Variants in VAMP7 observed in about 807,000 individuals in gnomAD.
The protein encoded by VAMP7 is vesicle associated membrane protein 7, also known as vesicle-associated membrane protein 7.
Under a neutral mutation model 29.6 loss-of-function variants are expected in VAMP7, and 14 were observed. The observed-to-expected ratio is 0.47, with a 90% CI of 0.31 to 0.74. VAMP7 has a LOEUF of 0.74. Among genes scored for constraint, VAMP7 ranks in the 30% least tolerant of loss-of-function variants. The pLI is 0.05. For synonymous variants in VAMP7, 95 were observed against 88.1 expected (o/e 1.08, Z -0.44); for missense variants, 223 against 262.4 (o/e 0.85, Z 1.04).
chrX:155,883,056 G>A (rs1002714630), intron 1 of VAMP7, among the ~76,000 whole-genome samples: 1 of 152,138 alleles, frequency 6.6e-6, no homozygotes, highest in African/African-American at 2.4e-5. Flanking sequence ...ATTTATATCT[G>A]TCTTCCCCAT....
intron 6 of VAMP7, among the ~76,000 whole-genome samples, chrX:155,923,907 C>CCTGT (rs1280488360): frequency 6.6e-6 from 1 of 152,058 alleles, no homozygotes; most frequent in Non-Finnish European, 1.5e-5. Context: ...CTGTTTCTGT[C>CCTGT]CTGTGTATGT....
intron 5 of VAMP7, among the ~76,000 whole-genome samples, chrX:155,912,007 A>G (rs750712154): frequency 1.3e-5 from 2 of 152,230 alleles, no homozygotes; most frequent in African/African-American, 4.8e-5. Flanking sequence ...GAATAGGAGT[A>G]GTGAAACTGG....
intron 6 of VAMP7, among the ~76,000 whole-genome samples, chrX:155,933,763 G>A (rs1449426520): frequency 1.3e-5 from 2 of 152,036 alleles, no homozygotes; most frequent in African/African-American, 2.4e-5. Context: ...GTTTGCTCTT[G>A]TTCCTCTAGT....
At chrX:155,919,299 T>A (rs762614556) in intron 5 of VAMP7, among the ~76,000 whole-genome samples, 1 of 152,286 alleles carries the variant, frequency 6.6e-6, no homozygotes, top group African/African-American at 2.4e-5. Context: ...TGTTCAGGTT[T>A]TCTATTTCTT....
At chrX:155,936,282 G>GCC (rs1165518043) in intron 6 of VAMP7, among the ~76,000 whole-genome samples, 2 of 152,168 alleles carry the variant, frequency 1.3e-5, no homozygotes, top group African/African-American at 4.8e-5. Context: ...GTTCAGCTAT[G>GCC]CCCTGCCCCC....
At chrX:155,887,873 G>C (rs1021853285) in intron 1 of VAMP7, among the ~76,000 whole-genome samples, 11 of 151,466 alleles carry the variant, frequency 7.3e-5, no homozygotes, top group African/African-American at 2.7e-4. Flanking sequence ...GGAGGCTGTA[G>C]TGAGCCAAGA....
chrX:155,934,923 T>A (rs1479624513), intron 6 of VAMP7, among the ~76,000 whole-genome samples: 2 of 152,140 alleles, frequency 1.3e-5, no homozygotes, highest in African/African-American at 2.4e-5. Flanking sequence ...CAGCATTTGC[T>A]TGTCTGTAAA....
intron 1 of VAMP7, among the ~76,000 whole-genome samples, chrX:155,885,930 A>C (rs947863645): frequency 6.6e-6 from 1 of 152,184 alleles, no homozygotes. Context: ...AGTTTTTGGT[A>C]CTTTATTACT....
chrX:155,895,564 T>C, intron 2 of VAMP7, 59 bp from the exon 3 acceptor site: 1 of 1,292,408 alleles, frequency 7.7e-7, no homozygotes. Flanking sequence ...AGATAGAAGA[T>C]AGAAGTAAAA....
chrX:155,897,822 T>G (rs1216338926), intron 3 of VAMP7, among the ~76,000 whole-genome samples: 1 of 152,146 alleles, frequency 6.6e-6, no homozygotes. Flanking sequence ...AAAATTCAAT[T>G]CCTGATGTCA....
intron 5 of VAMP7, 36 bp from the exon 6 acceptor site, chrX:155,919,777 A>G: frequency 6.4e-7 from 1 of 1,571,676 alleles, no homozygotes; most frequent in Non-Finnish European, 8.7e-7. Flanking sequence ...TCTACAATGG[A>G]AAACTTGACC....
chrX:155,893,240 G>A (rs1467062013), intron 2 of VAMP7, among the ~76,000 whole-genome samples: 1 of 152,164 alleles, frequency 6.6e-6, no homozygotes, highest in Non-Finnish European at 1.5e-5. Flanking sequence ...TGTTTAAGCT[G>A]TCTATGGTAT....
intron 2 of VAMP7, among the ~76,000 whole-genome samples, chrX:155,893,898 T>G (rs1260987674): frequency 6.6e-6 from 1 of 152,214 alleles, no homozygotes; most frequent in Non-Finnish European, 1.5e-5. Context: ...GTCAACACTA[T>G]CATATGTTTC....
intron 3 of VAMP7, 67 bp from the exon 4 acceptor site, chrX:155,898,045 G>T (rs1186739629): frequency 1.3e-6 from 2 of 1,564,642 alleles, no homozygotes; most frequent in East Asian, 2.3e-5. Flanking sequence ...TTTTATTGTT[G>T]TTCTTAATCA....
chrX:155,905,294 A>C (rs758947781), intron 5 of VAMP7, among the ~76,000 whole-genome samples: 1 of 152,034 alleles, frequency 6.6e-6, no homozygotes, highest in Non-Finnish European at 1.5e-5. Context: ...TTGAGCTATA[A>C]CAGTACTTTA....
chrX:155,916,261 G>C (rs1254855852), intron 5 of VAMP7, among the ~76,000 whole-genome samples: 4 of 152,124 alleles, frequency 2.6e-5, no homozygotes, highest in African/African-American at 7.2e-5. Flanking sequence ...TTGCACATGA[G>C]ATGGGTCTCC....
intron 5 of VAMP7, among the ~76,000 whole-genome samples, chrX:155,918,963 G>A (rs767151446): frequency 1.3e-5 from 2 of 152,236 alleles, no homozygotes; most frequent in East Asian, 3.9e-4. Context: ...TTTTTGATGT[G>A]ATGTTTGATT....
At position 155,934,951 on chromosome X, in the gene VAMP7, C is replaced by A. The variant is rs2066625287; in HGVS notation, c.502-4750C>A. On this transcript the variant is annotated intron_variant, in intron 6 of 7. Coordinates refer to ENST00000286448, the MANE Select transcript of VAMP7 (RefSeq NM_005638.6). Reference sequence around the variant, plus strand: ...TCTGTAAAGGATTTTATTTTTCCTTCACCTATGAAGCTTAGTTTGGCTGGA... The same window carrying A: ...TCTGTAAAGGATTTTATTTTTCCTTAACCTATGAAGCTTAGTTTGGCTGGA... Among the ~76,000 whole-genome samples the A allele has an allele frequency of 2.0e-5, 3 of 152,212 alleles. No individual in the cohort carries two copies. In the South Asian group the frequency reaches 6.2e-4, roughly 32 times the overall value.
chrX:155,925,672 C>A (rs1355912948), intron 6 of VAMP7, among the ~76,000 whole-genome samples: 1 of 152,168 alleles, frequency 6.6e-6, no homozygotes, highest in Non-Finnish European at 1.5e-5. Context: ...GGGAGGGGGC[C>A]TCCAGGTCTT....
Sources: gnomAD v4.1 joint callset for allele counts (sites outside exome capture counted in the v4.1 genomes callset) on GRCh38, gnomAD v4.1.1 for gene constraint, MANE v1.5 for transcripts, NCBI Gene and HGNC (gene_info 2026-07-23, HGNC 2026-07-21) for gene names.